Variants in SEPTIN3 observed in about 807,000 individuals in gnomAD.
The protein encoded by SEPTIN3 is neuronal-specific septin-3.
A neutral mutation model predicts 45.1 loss-of-function variants in SEPTIN3; 15 were observed. The observed-to-expected ratio is 0.33, with a 90% confidence interval of 0.22 to 0.51. SEPTIN3 has a LOEUF of 0.51. SEPTIN3 is among the 20% of genes least tolerant of loss of function. SEPTIN3 has a pLI of 0.97. For synonymous variants in SEPTIN3, 148 were observed against 164.8 expected (o/e 0.90, Z 0.78); for missense variants, 289 against 457.2 (o/e 0.63, Z 3.35).
At chr22:41,991,909 A>T (rs1000922030) in intron 8 of SEPTIN3, among the ~76,000 whole-genome samples, 19 of 151,698 alleles carry the variant, frequency 1.3e-4, no homozygotes, top group African/African-American at 4.6e-4. Flanking sequence ...CCTTTTCCCC[A>T]ACAAGGTCTG....
At chr22:41,980,319 A>G (rs902865699) in intron 2 of SEPTIN3, among the ~76,000 whole-genome samples, 3 of 151,780 alleles carry the variant, frequency 2.0e-5, no homozygotes, top group African/African-American at 7.3e-5. Context: ...TGTATTTTTA[A>G]TAGAGACAGG....
At chr22:41,973,711 T>C (rs185280705) in intron 2 of SEPTIN3, among the ~76,000 whole-genome samples, 56 of 151,574 alleles carry the variant, frequency 3.7e-4, no homozygotes, top group African/African-American at 1.2e-3. Context: ...TTGGGCACAG[T>C]GGCGCACACC....
At chr22:41,970,580 C>T (rs536648398) in intron 1 of SEPTIN3, among the ~76,000 whole-genome samples, 1 of 152,280 alleles carries the variant, frequency 6.6e-6, no homozygotes, top group South Asian at 2.1e-4. Context: ...GGCCTGGACC[C>T]CAGCTCACCT....
At chr22:41,978,334 C>G (rs2078063408) in intron 2 of SEPTIN3, among the ~76,000 whole-genome samples, 1 of 152,158 alleles carries the variant, frequency 6.6e-6, no homozygotes, top group Admixed American at 6.5e-5. Flanking sequence ...GCACAGAGAT[C>G]AATAAGACAC....
Position 41,976,970 on chromosome 22 carries a change from G to C in SEPTIN3, c.1504+3974G>C. On this transcript the variant is annotated intron_variant, in intron 2 of 11. Coordinates refer to ENST00000644076, the MANE Select transcript of SEPTIN3 (RefSeq NM_001363845.2). This position sits in a 1 kb window ranked among gnomAD's most constrained non-coding sequence, Gnocchi z 5.8. ...CGCGAAGGGGCGAGGCCCGTTTGCA[G>C]GGGCCGCTCGGCCCGGGGAAGCCCG... 7.4e-7 allele frequency: 1 copy of C among 1,345,706 alleles called. No homozygotes were observed. The highest frequency in any genetic ancestry group is 1.0e-6 in the Non-Finnish European group (1 of 999,428). 83.4% of individuals were successfully genotyped at this position (1,345,706 alleles called of 1,614,324 possible). A position where few individuals can be genotyped will look rare whatever the true frequency, so the allele number is the denominator to read the frequency against.
In SEPTIN3 at chr22:41,994,303, C is replaced by A. The variant is rs772130998; in HGVS notation, c.2373C>A (p.Asn791Lys). 3 of 1,614,050 alleles carry A rather than the reference C, an allele frequency of 1.9e-6. No individual in the cohort carries two copies. The highest frequency in any genetic ancestry group is 2.2e-5 in the East Asian group (1 of 44,886). Residue 791 changes from asparagine (N) to lysine (K), a missense_variant, in exon 10 of 12, where the codon AAC (asparagine) becomes AAA (lysine). Asn to Lys is a moderately conservative substitution (Grantham distance 94, BLOSUM62 0). Transcript: ENST00000644076. This position sits in a 1 kb window ranked among gnomAD's most constrained non-coding sequence, Gnocchi z 4.2. ...PWGIIEVENL[N>K]HCEFALLRDF... ...TTTTGTTCATAGTGGAAAACCTCAA[C>A]CACTGTGAGTTTGCCCTGCTTCGAG...
intron 6 of SEPTIN3, among the ~76,000 whole-genome samples, chr22:41,988,314 T>C (rs1337379429): frequency 6.6e-6 from 1 of 152,046 alleles, no homozygotes; most frequent in East Asian, 1.9e-4. Flanking sequence ...CACAAGCATG[T>C]TGGGAACTCT....
chr22:41,987,130 C>A, intron 4 of SEPTIN3, 76 bp from the exon 5 acceptor site: 1 of 1,199,944 alleles, frequency 8.3e-7, no homozygotes, highest in South Asian at 1.5e-5. Flanking sequence ...CTGGGTCTCC[C>A]TGGCTAGTAG....
chr22:41,984,676 G>A (rs1569438437), intron 3 of SEPTIN3, among the ~76,000 whole-genome samples: 1 of 151,356 alleles, frequency 6.6e-6, no homozygotes, highest in Admixed American at 6.6e-5. Flanking sequence ...CTACAGGCAT[G>A]TGCCACCATG....
At chr22:41,979,600 T>C (rs2078089182) in intron 2 of SEPTIN3, among the ~76,000 whole-genome samples, 1 of 152,176 alleles carries the variant, frequency 6.6e-6, no homozygotes, top group Non-Finnish European at 1.5e-5. Flanking sequence ...AGTCAGCTGC[T>C]GCAGGGCTGG....
intron 2 of SEPTIN3, 69 bp from the exon 3 acceptor site, chr22:41,981,576 C>A: frequency 7.6e-7 from 1 of 1,320,470 alleles, no homozygotes; most frequent in South Asian, 1.3e-5. Flanking sequence ...AGAAAAATAC[C>A]ATGGTTTCCA....
At chr22:41,989,252 A>G (rs1326197817) in intron 6 of SEPTIN3, among the ~76,000 whole-genome samples, 3 of 151,972 alleles carry the variant, frequency 2.0e-5, no homozygotes, top group African/African-American at 4.8e-5. Context: ...ATATGAGTAG[A>G]GACAGTAGTC....
At position 41,994,688 on chromosome 22, in the gene SEPTIN3, C is replaced by T; in HGVS notation, c.2479C>T (p.Leu827Phe). ...IHYETYRAKR[L>F]NDNGGLPPGE... Reference sequence around the variant, plus strand: ...CTATGAGACTTACAGGGCCAAGCGGCTCAATGACAATGGAGGCCTCCCTCC... The same window carrying T: ...CTATGAGACTTACAGGGCCAAGCGGTTCAATGACAATGGAGGCCTCCCTCC... The change falls in exon 11 of 12, where the codon CTC becomes TTC. Residue 827 changes from leucine to phenylalanine, a missense_variant. This residue lies in a region of SEPTIN3 where 84 missense variants were observed against 114.7 expected (regional missense o/e 0.73). Coordinates refer to ENST00000644076, the MANE Select transcript of SEPTIN3 (RefSeq NM_001363845.2). The surrounding 1 kb of genome is among the most constrained non-coding windows in gnomAD (Gnocchi z 4.2). The T allele has an allele frequency of 6.2e-7, 1 of 1,614,200 alleles. No individual in the cohort carries two copies. Among genetic ancestry groups the T allele is most frequent in the East Asian group, 2.2e-5 (1 of 44,884 alleles).
chr22:41,997,146 TC>T lies in SEPTIN3; in HGVS notation c.*181del. On this transcript the variant is annotated 3_prime_UTR_variant, in exon 12 of 12. Coordinates refer to ENST00000644076, the MANE Select transcript of SEPTIN3 (RefSeq NM_001363845.2). Reference sequence around the variant, plus strand: ...TGCATCCTCCATTTATCCAAACCACTCCTCTCCTCCCAGTGGAGTGGGGTTC... The same window carrying T: ...TGCATCCTCCATTTATCCAAACCACTCTCTCCTCCCAGTGGAGTGGGGTTC... The T allele has an allele frequency of 8.5e-7, 1 of 1,180,914 alleles. No homozygotes were observed. The allele number at this position is 1,180,914 out of a possible 1,614,324, so 73.2% of individuals were successfully genotyped here.
intron 8 of SEPTIN3, 69 bp downstream of exon 8, chr22:41,991,737 T>A: frequency 9.5e-7 from 1 of 1,056,226 alleles, no homozygotes. Context: ...ATTGTGCACG[T>A]CCTCTGTCTG....
intron 2 of SEPTIN3, 138 bp from the exon 3 acceptor site, chr22:41,981,507 C>T (rs975334979): frequency 1.5e-6 from 1 of 647,776 alleles, no homozygotes. Context: ...AATGAGGGAC[C>T]TGGACTGGAT....
chr22:41,988,391 G>C (rs541439252), intron 6 of SEPTIN3, among the ~76,000 whole-genome samples: 8 of 152,120 alleles, frequency 5.3e-5, no homozygotes, highest in Non-Finnish European at 1.2e-4. Context: ...GAGATCCTAG[G>C]GGGCAGGCCA....
chr22:41,987,213 G>C lies in SEPTIN3; in HGVS notation c.1833G>C (p.Glu611Asp). ...TTTTCTTTTCACCCCCAGTGATAGAGGAAGGCGGTGTCAAAATGAAGCTGA... is the reference window on the plus strand; with the variant it reads ...TTTTCTTTTCACCCCCAGTGATAGACGAAGGCGGTGTCAAAATGAAGCTGA... ...VEIKAIGHVI[E>D]EGGVKMKLTV... is the part of the protein sequence containing the mutation. The change falls in exon 5 of 12, where the codon GAG becomes GAC. Residue 611 changes from glutamate to aspartate, a missense_variant. This residue lies in a region of SEPTIN3 where 200 missense variants were observed against 315.1 expected (regional missense o/e 0.63). Transcript: ENST00000644076. 1.2e-6 allele frequency: 2 copies of C among 1,613,438 alleles called. No homozygotes were observed. Among genetic ancestry groups the C allele is most frequent in the East Asian group, 4.5e-5 (2 of 44,872 alleles).
At chr22:41,980,700 A>G (rs1779830190) in intron 2 of SEPTIN3, among the ~76,000 whole-genome samples, 2 of 152,144 alleles carry the variant, frequency 1.3e-5, no homozygotes, top group East Asian at 1.9e-4. Context: ...TCTCCTGTGT[A>G]TGAACACACC....
Sources: gnomAD v4.1 joint callset for allele counts (sites outside exome capture counted in the v4.1 genomes callset) on GRCh38, gnomAD v4.1.1 for gene constraint, gnomAD v4.1.1 regional missense constraint, Gnocchi (gnomAD v3.1) non-coding constraint, MANE v1.5 for transcripts, NCBI Gene and HGNC (gene_info 2026-07-23, HGNC 2026-07-21) for gene names.